MAGI2: variants seen among roughly 807,000 people sequenced by gnomAD.
The protein encoded by MAGI2 is membrane-associated guanylate kinase, WW and PDZ domain-containing protein 2.
MAGI2 carries 35 observed loss-of-function variants against 133.3 expected under a neutral mutation model. That is an observed-to-expected ratio of 0.26 (90% CI 0.20 to 0.35). The LOEUF is 0.35. MAGI2 is among the 10% of genes least tolerant of loss of function. MAGI2 has a pLI of 1.00. For missense variants in MAGI2, 1,636 were observed against 1,863.4 expected (o/e 0.88, Z 2.25); for synonymous variants, 729 against 710.6 (o/e 1.03, Z -0.41).
intron 3 of MAGI2, among the ~76,000 whole-genome samples, chr7:78,552,148 A>T (rs985318725): frequency 6.6e-6 from 1 of 150,658 alleles, no homozygotes. Flanking sequence ...TTAAATAACC[A>T]TAGACTTTTA....
At position 79,449,864 on chromosome 7, in the gene MAGI2, T is replaced by C. The variant is rs1586027812; in HGVS notation, c.301+3156A>G. On this transcript the variant is annotated intron_variant, in intron 1 of 21. Transcript: ENST00000354212. Reference sequence around the variant, plus strand: ...AGGTATTTAAACAGTGTAGAAACACTGTGAGATATATACATATATATATAT... The same window carrying C: ...AGGTATTTAAACAGTGTAGAAACACCGTGAGATATATACATATATATATAT... 3.8e-5 allele frequency among the ~76,000 whole-genome samples: 3 copies of C among 79,374 alleles called. 1 individual carries two copies. In the Admixed American group the frequency reaches 4.1e-4, roughly 11 times the overall value. 52.1% of individuals were successfully genotyped at this position (79,374 alleles called of 152,430 possible). A position where few individuals can be genotyped will look rare whatever the true frequency, so the allele number is the denominator to read the frequency against.
At chr7:79,235,929 C>G (rs1029989639) in intron 1 of MAGI2, among the ~76,000 whole-genome samples, 7 of 152,200 alleles carry the variant, frequency 4.6e-5, no homozygotes, top group African/African-American at 1.7e-4. Context: ...GCTCAATAAA[C>G]AGTTGTTAAA....
intron 1 of MAGI2, among the ~76,000 whole-genome samples, chr7:79,320,266 T>C (rs2129561562): frequency 6.6e-6 from 1 of 152,248 alleles, no homozygotes; most frequent in African/African-American, 2.4e-5. Context: ...AATTGCTATA[T>C]TTTTAATAAA....
intron 6 of MAGI2, among the ~76,000 whole-genome samples, chr7:78,405,064 G>A (rs965719088): frequency 1.2e-4 from 19 of 152,066 alleles, no homozygotes; most frequent in Non-Finnish European, 2.6e-4. Flanking sequence ...TGACTTCTAA[G>A]GAACTGCTTC....
chr7:78,062,328 A>G (rs1813369192), intron 21 of MAGI2, among the ~76,000 whole-genome samples: 1 of 152,166 alleles, frequency 6.6e-6, no homozygotes, highest in African/African-American at 2.4e-5. Flanking sequence ...GGGCCTATAG[A>G]GAGGTCCATG....
chr7:79,245,074 C>G (rs556623112), intron 1 of MAGI2, among the ~76,000 whole-genome samples: 1 of 152,288 alleles, frequency 6.6e-6, no homozygotes, highest in East Asian at 1.9e-4. Flanking sequence ...TAGAGGGATT[C>G]ATCACCTGCT....
At chr7:79,193,746 A>G (rs893626302) in intron 1 of MAGI2, among the ~76,000 whole-genome samples, 46 of 151,914 alleles carry the variant, frequency 3.0e-4, no homozygotes, top group African/African-American at 6.5e-4. Context: ...CACTTTTTGT[A>G]CAAGGGCCCT....
intron 3 of MAGI2, among the ~76,000 whole-genome samples, chr7:78,560,319 T>G (rs1800275092): frequency 1.3e-5 from 2 of 152,162 alleles, no homozygotes; most frequent in Admixed American, 1.3e-4. Flanking sequence ...ATTTGGACAG[T>G]TGGGACTGAA....
In MAGI2 at chr7:78,501,762, A is replaced by T. The variant is rs1794646654; in HGVS notation, c.780T>A (p.Ser260Arg). The change falls in exon 5 of 22, where the codon AGT (serine) becomes AGA (arginine). Residue 260 changes from serine to arginine, a missense_variant. By Grantham distance (110) the Ser-to-Arg change is moderately radical (BLOSUM62 -1). Transcript: ENST00000354212. ...AGGGCATCTCCCCTGAGGCACCTGC[A>T]CTTTTGTCTTCATGTTCACTGGATT... ...TPESSEHEDK[S>R]AGASGEMPSQ... 2.5e-6 allele frequency: 4 copies of T among 1,613,708 alleles called. No individual in the cohort carries two copies. The highest frequency in any genetic ancestry group is 2.2e-5 in the South Asian group (2 of 91,070).
At chr7:79,337,582 T>C (rs530487150) in intron 1 of MAGI2, among the ~76,000 whole-genome samples, 3 of 152,314 alleles carry the variant, frequency 2.0e-5, no homozygotes, top group African/African-American at 7.2e-5. Context: ...TCAGTCTTTT[T>C]TGGTACAATG....
At position 79,077,574 on chromosome 7, in the gene MAGI2, C is replaced by CAAAAAA. The variant is rs769770373; in HGVS notation, c.302-70374_302-70369dup. Among the ~76,000 whole-genome samples, 29 of 23,784 alleles carry CAAAAAA rather than the reference C, an allele frequency of 1.2e-3. 3 individuals are homozygous for CAAAAAA. The highest frequency in any genetic ancestry group is 3.3e-3 in the African/African-American group (22 of 6,594). 15.6% of individuals were successfully genotyped at this position (23,784 alleles called of 152,430 possible). On this transcript the variant is annotated intron_variant, in intron 1 of 21. Transcript: ENST00000354212. The stretch of plus-strand genomic sequence containing the variant: ...TGGGCAACAGAGCGAGACTGCCTCT[C>CAAAAAA]AAAAAAAAAAAAAAAAAAAAATAAA...
chr7:78,496,996 G>A lies in MAGI2; in HGVS notation c.965+4581C>T, dbSNP rs1359431916. Among the ~76,000 whole-genome samples the A allele has an allele frequency of 3.3e-5, 5 of 152,142 alleles. No homozygotes were observed. In the East Asian group the frequency reaches 9.6e-4, roughly 29 times the overall value. On this transcript the variant is annotated intron_variant, in intron 5 of 21. Coordinates refer to ENST00000354212, the MANE Select transcript of MAGI2 (RefSeq NM_012301.4). ...AAAAGTCTCAGTTTCATAAAGTAAG[G>A]ATTAAGTGAATGGAGTAAAAACGCT...
intron 1 of MAGI2, among the ~76,000 whole-genome samples, chr7:79,126,379 A>T (rs1173140201): frequency 6.6e-6 from 1 of 152,208 alleles, no homozygotes; most frequent in Non-Finnish European, 1.5e-5. Context: ...TGTGCATATA[A>T]GATAGTTGGG....
chr7:79,211,347 G>A (rs1829476992), intron 1 of MAGI2, among the ~76,000 whole-genome samples: 1 of 151,920 alleles, frequency 6.6e-6, no homozygotes, highest in Non-Finnish European at 1.5e-5. Flanking sequence ...TGTGACCATA[G>A]CTCACTGCAG....
intron 9 of MAGI2, among the ~76,000 whole-genome samples, chr7:78,274,292 C>T (rs751961841): frequency 2.0e-5 from 3 of 152,164 alleles, no homozygotes; most frequent in South Asian, 2.1e-4. Context: ...AAGTTTGTTG[C>T]CTGTTCCTTC....
At chr7:79,018,471 A>G (rs552462350) in intron 1 of MAGI2, among the ~76,000 whole-genome samples, 1 of 152,352 alleles carries the variant, frequency 6.6e-6, no homozygotes, top group African/African-American at 2.4e-5. Context: ...TAGTGACACT[A>G]TAAAGCAACC....
chr7:78,294,641 ACTAT>A lies in MAGI2; in HGVS notation c.1409-38064_1409-38061del, dbSNP rs368361269. On this transcript the variant is annotated intron_variant, in intron 9 of 21. Coordinates refer to ENST00000354212, the MANE Select transcript of MAGI2 (RefSeq NM_012301.4). ...TCTTCTTTTAACTTACTAGTAGTGC[ACTAT>A]CTATCTTGCCTCAATGCCATCTATC... Among the ~76,000 whole-genome samples the A allele has an allele frequency of 4.0e-5, 6 of 151,744 alleles. No individual in the cohort carries two copies. The South Asian group carries it at 8.3e-4, about 21-fold the overall frequency.
At chr7:79,183,841 A>G (rs147250259) in intron 1 of MAGI2, among the ~76,000 whole-genome samples, 1 of 152,010 alleles carries the variant, frequency 6.6e-6, no homozygotes, top group East Asian at 1.9e-4. Context: ...TGACAACATG[A>G]ATGAAATTGG....
chr7:79,055,960 A>C (rs1181376510), intron 1 of MAGI2, among the ~76,000 whole-genome samples: 1 of 152,194 alleles, frequency 6.6e-6, no homozygotes, highest in Non-Finnish European at 1.5e-5. Context: ...ACAAGTGAGA[A>C]CAATGGTGTC....
Sources: gnomAD v4.1 joint callset for allele counts (sites outside exome capture counted in the v4.1 genomes callset) on GRCh38, gnomAD v4.1.1 for gene constraint, MANE v1.5 for transcripts, NCBI Gene and HGNC (gene_info 2026-07-23, HGNC 2026-07-21) for gene names.